The following BANK1 variants were observed in gnomAD, a reference collection of about 807,000 sequenced individuals.
BANK1 encodes B cell scaffold protein with ankyrin repeats 1.
Under a neutral mutation model 94.5 loss-of-function variants are expected in BANK1, and 95 were observed. The ratio of observed to expected loss-of-function variants is 1.00; its 90% CI spans 0.85 to 1.19. The LOEUF is 1.19. Among genes scored for constraint, BANK1 ranks in the 50% most tolerant of loss-of-function variants. The pLI, the probability that BANK1 is intolerant of heterozygous loss-of-function variation, is 0.00. For synonymous variants in BANK1, 334 were observed against 308.4 expected, an observed-to-expected ratio of 1.08 and a Z score of -0.87; for missense variants, 987 against 932.2, an observed-to-expected ratio of 1.06 and a Z score of -0.77.
At chr4:101,842,542 A>G (rs1727089849) in intron 2 of BANK1, among the ~76,000 whole-genome samples, 1 of 152,210 alleles carries the variant, frequency 6.6e-6, no homozygotes, top group African/African-American at 2.4e-5. Flanking sequence ...TACTTCTAGC[A>G]TCCCCATTTC....
intron 7 of BANK1, among the ~76,000 whole-genome samples, chr4:101,927,747 G>A (rs1036797475): frequency 1.3e-5 from 2 of 151,570 alleles, no homozygotes; most frequent in Non-Finnish European, 3.0e-5. Flanking sequence ...TTACTGAGAT[G>A]AGGAAGATTG....
At chr4:101,944,741 A>C (rs1037340024) in intron 7 of BANK1, among the ~76,000 whole-genome samples, 4 of 151,978 alleles carry the variant, frequency 2.6e-5, no homozygotes, top group African/African-American at 9.7e-5. Flanking sequence ...TTGATCTGTG[A>C]TTCCAATGGA....
At position 101,947,443 on chromosome 4, in the gene BANK1, A is replaced by G. The variant is rs536502196; in HGVS notation, c.1206+29254A>G. Among the ~76,000 whole-genome samples, 6 of 151,230 alleles carry G rather than the reference A, an allele frequency of 4.0e-5. No individual in the cohort carries two copies. In the South Asian group the frequency reaches 6.3e-4, roughly 16 times the overall value. On this transcript the variant is annotated intron_variant, in intron 7 of 16. Transcript: ENST00000322953. ...CTAGAAACTCTCATGGGCACCCAAG[A>G]TAACTTAACTGAAGAATACATCATT...
chr4:101,837,118 A>G (rs1259738801), intron 2 of BANK1, among the ~76,000 whole-genome samples: 12 of 152,210 alleles, frequency 7.9e-5, no homozygotes, highest in Admixed American at 7.9e-4. Flanking sequence ...TCATAATCAA[A>G]TATTATGTAC....
At chr4:102,070,488 A>T (rs141902789) in intron 13 of BANK1, among the ~76,000 whole-genome samples, 1 of 152,322 alleles carries the variant, frequency 6.6e-6, no homozygotes, top group East Asian at 1.9e-4. Flanking sequence ...CTGAGAATTT[A>T]TTGGAAGTTG....
intron 6 of BANK1, among the ~76,000 whole-genome samples, chr4:101,916,406 A>G (rs1442661918): frequency 6.6e-6 from 1 of 152,022 alleles, no homozygotes; most frequent in Non-Finnish European, 1.5e-5. Context: ...AATGGATTGC[A>G]TGGTCATGAA....
At position 102,049,700 on chromosome 4, in the gene BANK1, C is replaced by T. The variant is rs1038350405; in HGVS notation, c.1969+5793C>T. 2.6e-5 allele frequency among the ~76,000 whole-genome samples: 4 copies of T among 152,096 alleles called. No individual in the cohort carries two copies. The East Asian group carries it at 5.8e-4, about 22-fold the overall frequency. ...AGTTGTTAAACTGTCTCTTTAAAAC[C>T]GTAATTGGTCACAGCCAGTGCCAGT... On this transcript the variant is annotated intron_variant, in intron 11 of 16. Transcript: ENST00000322953.
At chr4:102,057,954 A>C (rs1176044170) in intron 11 of BANK1, among the ~76,000 whole-genome samples, 1 of 152,310 alleles carries the variant, frequency 6.6e-6, no homozygotes, top group African/African-American at 2.4e-5. Flanking sequence ...TTTATTATAT[A>C]TACAACTTTG....
At chr4:101,928,386 C>T (rs1482895986) in intron 7 of BANK1, among the ~76,000 whole-genome samples, 1 of 151,374 alleles carries the variant, frequency 6.6e-6, no homozygotes, top group Non-Finnish European at 1.5e-5. Flanking sequence ...GTATGAGTGT[C>T]TTGTGGAGAA....
At chr4:101,929,446 A>G (rs1723273426) in intron 7 of BANK1, among the ~76,000 whole-genome samples, 1 of 151,686 alleles carries the variant, frequency 6.6e-6, no homozygotes, top group Non-Finnish European at 1.5e-5. Flanking sequence ...TTGAAAGTGA[A>G]TTATTTTAAT....
At chr4:101,984,451 C>T (rs1725420098) in intron 7 of BANK1, among the ~76,000 whole-genome samples, 1 of 151,964 alleles carries the variant, frequency 6.6e-6, no homozygotes, top group South Asian at 2.1e-4. Flanking sequence ...GATTTTCTAT[C>T]CAGAAAATAA....
At chr4:102,073,964 G>A (rs1404342967) in intron 16 of BANK1, 41 bp from the exon 17 acceptor site, 2 of 383,858 alleles carry the variant, frequency 5.2e-6, no homozygotes, top group African/African-American at 4.2e-5. Context: ...AAATTGATGA[G>A]CTATTATTCA....
intron 4 of BANK1, among the ~76,000 whole-genome samples, chr4:101,866,752 C>T (rs1578366422): frequency 1.2e-5 from 1 of 86,794 alleles, no homozygotes. Context: ...ATAGCAAAGA[C>T]TTGGAACCAA....
chr4:102,060,508 A>C (rs573058858), intron 12 of BANK1, 119 bp downstream of exon 12: 1 of 1,057,154 alleles, frequency 9.5e-7, no homozygotes, highest in South Asian at 1.6e-5. Context: ...CTAGCCACTA[A>C]GGAAGATACT....
chr4:101,794,028 C>A (rs763810831), intron 1 of BANK1, among the ~76,000 whole-genome samples: 1 of 151,888 alleles, frequency 6.6e-6, no homozygotes, highest in Non-Finnish European at 1.5e-5. Flanking sequence ...AAAGATACTG[C>A]AATATCCTTG....
chr4:101,998,057 G>A (rs1262256240), intron 7 of BANK1, among the ~76,000 whole-genome samples: 1 of 152,120 alleles, frequency 6.6e-6, no homozygotes, highest in Non-Finnish European at 1.5e-5. Context: ...GACATTTGGT[G>A]CTAAAAATTC....
At chr4:101,807,307 C>T (rs1431475796) in intron 1 of BANK1, among the ~76,000 whole-genome samples, 1 of 152,124 alleles carries the variant, frequency 6.6e-6, no homozygotes, top group Non-Finnish European at 1.5e-5. Flanking sequence ...AAGAAAATCA[C>T]TACTGCCATA....
intron 7 of BANK1, among the ~76,000 whole-genome samples, chr4:101,921,703 T>G (rs1170853282): frequency 1.3e-5 from 2 of 151,978 alleles, no homozygotes; most frequent in Non-Finnish European, 2.9e-5. Context: ...TGTTCACTTA[T>G]CTTAGAAACA....
At chr4:101,816,373 G>C (rs546109881) in intron 1 of BANK1, among the ~76,000 whole-genome samples, 1 of 152,008 alleles carries the variant, frequency 6.6e-6, no homozygotes, top group African/African-American at 2.4e-5. Flanking sequence ...GTTCAATGTA[G>C]TTCCATCCAT....
Sources: allele counts gnomAD v4.1 joint callset (sites outside exome capture counted in the v4.1 genomes callset), GRCh38; gene constraint gnomAD v4.1.1; transcripts MANE v1.5; gene names NCBI Gene and HGNC (gene_info 2026-07-23, HGNC 2026-07-21).